NPLOC4: variants seen among roughly 807,000 people sequenced by gnomAD.
The protein encoded by NPLOC4 is NPL4 homolog, ubiquitin recognition factor, also known as nuclear protein localization protein 4 homolog.
In NPLOC4, 18 loss-of-function variants were observed where a neutral mutation model predicts 80.6. The observed-to-expected ratio is 0.22, with a 90% CI of 0.15 to 0.33. The LOEUF (loss-of-function observed/expected upper bound fraction) is 0.33. Ranked by LOEUF, NPLOC4 falls within the 10% of genes least tolerant of loss-of-function variation. NPLOC4 has a pLI of 1.00. For missense variants in NPLOC4, 540 were observed against 786.1 expected, an observed-to-expected ratio of 0.69 and a Z score of 3.74; for synonymous variants, 313 against 301.5, an observed-to-expected ratio of 1.04 and a Z score of -0.39.
At chr17:81,587,843 T>C (rs11870972) in intron 12 of NPLOC4, among the ~76,000 whole-genome samples, 17,066 of 145,446 alleles carry the variant, frequency 0.12, 1,191 homozygotes, top group Middle Eastern at 0.16. Context: ...TTATTTTTTG[T>C]ATTTTTTTTT....
Position 81,596,228 on chromosome 17 carries a change from T to C in NPLOC4, c.1008A>G (p.Leu336=). ...RYSRNKDTYF[L]SSEECITAGD... is the part of the protein sequence containing the mutation. ...CTGCAGTGATGCACTCTTCTGAACT[T>C]AGGAAATAGGTGTCCTAAGACAAGA... Residue 336 remains leucine (L), a synonymous_variant, in exon 11 of 17, where the codon CTA becomes CTG. Coordinates refer to ENST00000331134, the MANE Select transcript of NPLOC4 (RefSeq NM_017921.4). 1.2e-6 allele frequency: 2 copies of C among 1,613,024 alleles called. No homozygotes were observed. The highest frequency in any genetic ancestry group is 1.7e-6 in the Non-Finnish European group (2 of 1,179,268).
At chr17:81,602,742 C>T (rs1191766975) in intron 8 of NPLOC4, among the ~76,000 whole-genome samples, 2 of 150,154 alleles carry the variant, frequency 1.3e-5, no homozygotes, top group African/African-American at 2.5e-5. Flanking sequence ...TCAGGAAGTC[C>T]AACTAAAAAG....
At chr17:81,583,216 A>T (rs927931454) in intron 12 of NPLOC4, among the ~76,000 whole-genome samples, 3 of 152,280 alleles carry the variant, frequency 2.0e-5, no homozygotes, top group Non-Finnish European at 2.9e-5. Flanking sequence ...TTGAAGATAT[A>T]CAAAGATGTC....
chr17:81,603,809 C>CAT (rs1317617807), intron 8 of NPLOC4, among the ~76,000 whole-genome samples: 4 of 152,102 alleles, frequency 2.6e-5, no homozygotes, highest in Admixed American at 6.6e-5. Flanking sequence ...GTACAGCATG[C>CAT]ATATCATTAA....
At chr17:81,568,359 G>A (rs2034069690) in intron 14 of NPLOC4, among the ~76,000 whole-genome samples, 2 of 152,250 alleles carry the variant, frequency 1.3e-5, no homozygotes, top group South Asian at 4.1e-4. Flanking sequence ...GCACCTCTGT[G>A]AGCACCCCAA....
chr17:81,587,038 A>C (rs925558719), intron 12 of NPLOC4, among the ~76,000 whole-genome samples: 1 of 152,254 alleles, frequency 6.6e-6, no homozygotes. Context: ...GCCAGTAACA[A>C]GGACAGACAG....
chr17:81,637,019 C>T lies in NPLOC4; in HGVS notation c.-89G>A, dbSNP rs888671471. On this transcript the variant is annotated 5_prime_UTR_variant, in exon 1 of 17. Transcript: ENST00000331134. ...CGCAGACCCGGCCGCGGCCTCAGCC[C>T]CGGCCCCGGCCTCCCTACGCCGCCG... The T allele has an allele frequency of 8.4e-6, 7 of 836,698 alleles. No individual in the cohort carries two copies. In the African/African-American group the frequency reaches 9.0e-5, roughly 11 times the overall value. The allele number at this position is 836,698 out of a possible 1,614,324, so 51.8% of individuals were successfully genotyped here. A position where few individuals can be genotyped will look rare whatever the true frequency, so the allele number is the denominator to read the frequency against.
At chr17:81,591,466 A>AAAAAAAC (rs1568136550) in intron 11 of NPLOC4, among the ~76,000 whole-genome samples, 1 of 142,486 alleles carries the variant, frequency 7.0e-6, no homozygotes, top group South Asian at 2.2e-4. Context: ...AAAAAAAAAA[A>AAAAAAAC]AAAAAACCTG....
At chr17:81,633,430 G>C (rs1470433498) in intron 1 of NPLOC4, among the ~76,000 whole-genome samples, 1 of 152,186 alleles carries the variant, frequency 6.6e-6, no homozygotes, top group Non-Finnish European at 1.5e-5. Context: ...AGGTGAAGAA[G>C]TCATCCTACT....
At chr17:81,583,289 CCATCAACA>C (rs1316746584) in intron 12 of NPLOC4, among the ~76,000 whole-genome samples, 4 of 152,278 alleles carry the variant, frequency 2.6e-5, no homozygotes, top group Admixed American at 2.6e-4. Flanking sequence ...GAACCAAAGG[CCATCAACA>C]CAAGACCAAT....
At chr17:81,603,879 T>C (rs2035130879) in intron 8 of NPLOC4, among the ~76,000 whole-genome samples, 1 of 152,128 alleles carries the variant, frequency 6.6e-6, no homozygotes, top group Admixed American at 6.5e-5. Flanking sequence ...TAAAATACAC[T>C]ACATCATTAT....
intron 11 of NPLOC4, among the ~76,000 whole-genome samples, chr17:81,594,841 G>A (rs1232030924): frequency 5.3e-5 from 8 of 151,830 alleles, no homozygotes; most frequent in Non-Finnish European, 2.9e-5. Context: ...AACTACATAG[G>A]AGGCTGTTGG....
At chr17:81,631,109 G>A (rs2035915926) in intron 1 of NPLOC4, among the ~76,000 whole-genome samples, 1 of 151,950 alleles carries the variant, frequency 6.6e-6, no homozygotes, top group African/African-American at 2.4e-5. Context: ...GGAGGCAGAG[G>A]TTGCAGTGAG....
rs1555680405 is a variant in NPLOC4, at chr17:81,581,375, A to AAAAAAAAAAAACAGTC, written c.1281+7568_1281+7569insGACTGTTTTTTTTTTT. The stretch of plus-strand genomic sequence containing the variant: ...AAAAAAAAAAAAAAAAAAAAAAAAA[A>AAAAAAAAAAAACAGTC]AGTTAATAAAATCACCATGTCACAA... On this transcript the variant is annotated intron_variant, in intron 12 of 16. Transcript: ENST00000331134. Among the ~76,000 whole-genome samples the AAAAAAAAAAAACAGTC allele has an allele frequency of 2.7e-5, 2 of 72,810 alleles. 1 individual carries two copies. Among genetic ancestry groups the AAAAAAAAAAAACAGTC allele is most frequent in the Non-Finnish European group, 5.7e-5 (2 of 34,996 alleles). The allele number at this position is 72,810 out of a possible 152,430, so 47.8% of individuals were successfully genotyped here.
chr17:81,611,588 G>A (rs1027886967), intron 4 of NPLOC4, among the ~76,000 whole-genome samples: 2 of 151,720 alleles, frequency 1.3e-5, no homozygotes, highest in Non-Finnish European at 2.9e-5. Context: ...GACCTCAGGT[G>A]ATCCACCTGC....
chr17:81,633,345 A>C (rs1418680106), intron 1 of NPLOC4, among the ~76,000 whole-genome samples: 1 of 152,226 alleles, frequency 6.6e-6, no homozygotes, highest in Admixed American at 6.6e-5. Flanking sequence ...ATGTTCCTTC[A>C]AACGATGACT....
At chr17:81,602,150 T>C (rs1171366478) in intron 8 of NPLOC4, among the ~76,000 whole-genome samples, 1 of 152,264 alleles carries the variant, frequency 6.6e-6, no homozygotes, top group Non-Finnish European at 1.5e-5. Flanking sequence ...CTCAGTGGCA[T>C]ACACCGATAG....
intron 16 of NPLOC4, chr17:81,564,317 T>G (rs547169421): frequency 1.3e-5 from 2 of 158,366 alleles, no homozygotes; most frequent in African/African-American, 4.8e-5. Context: ...AAGAATTAGC[T>G]GGGTGTGGTG....
At chr17:81,604,882 C>G (rs1181958986) in intron 7 of NPLOC4, among the ~76,000 whole-genome samples, 155 bp from the exon 8 acceptor site, 1 of 152,160 alleles carries the variant, frequency 6.6e-6, no homozygotes, top group Admixed American at 6.5e-5. Flanking sequence ...CCCAGATACT[C>G]AGGAGGCCGA....
Sources: allele counts gnomAD v4.1 joint callset (sites outside exome capture counted in the v4.1 genomes callset), GRCh38; gene constraint gnomAD v4.1.1; transcripts MANE v1.5; gene names NCBI Gene and HGNC (gene_info 2026-07-23, HGNC 2026-07-21).